Variants in BCAS3 observed in about 807,000 individuals in gnomAD.
BCAS3 encodes the protein BCAS3 microtubule associated cell migration factor.
In BCAS3, 53 loss-of-function variants were observed where a neutral mutation model predicts 116.1. The ratio of observed to expected loss-of-function variants is 0.46; its 90% CI spans 0.37 to 0.57. The LOEUF (loss-of-function observed/expected upper bound fraction) is 0.57, where lower values mean the gene tolerates loss of function less well. Among genes scored for constraint, BCAS3 ranks in the 20% least tolerant of loss-of-function variants. BCAS3 has a pLI of 0.00. For missense variants in BCAS3, 917 were observed against 1,165.4 expected, an observed-to-expected ratio of 0.79 and a Z score of 3.10; for synonymous variants, 391 against 408.2, an observed-to-expected ratio of 0.96 and a Z score of 0.51.
At position 61,084,329 on chromosome 17, in the gene BCAS3, C is replaced by A; in HGVS notation, c.2328-138C>A. On this transcript the variant is annotated intron_variant, in intron 21 of 23. Transcript: ENST00000407086. The surrounding 1 kb of genome is among the most constrained non-coding windows in gnomAD (Gnocchi z 5.5). ...TGTGCAGCAATTAGGGACTGCAGCT[C>A]CCCTGTTTGTCTTGTTTTAGAATGG... 2 of 635,350 alleles carry A rather than the reference C, an allele frequency of 3.1e-6. No homozygotes were observed. Among genetic ancestry groups the A allele is most frequent in the Non-Finnish European group, 2.7e-6 (1 of 373,402 alleles). 39.4% of individuals were successfully genotyped at this position (635,350 alleles called of 1,614,324 possible).
Position 61,082,874 on chromosome 17 carries a change from A to G in BCAS3, c.2328-1593A>G, listed in dbSNP as rs2143525023. ...CAGTATTTTCACCTTCCGGTAATAGATCATCCTATACCTCCCTCCTGTTTT... is the reference window on the plus strand; with the variant it reads ...CAGTATTTTCACCTTCCGGTAATAGGTCATCCTATACCTCCCTCCTGTTTT... On this transcript the variant is annotated intron_variant, in intron 21 of 23. Transcript: ENST00000407086. The surrounding 1 kb of genome is among the most constrained non-coding windows in gnomAD (Gnocchi z 5.1). Among the ~76,000 whole-genome samples, 1 of 152,314 alleles carries G rather than the reference A, an allele frequency of 6.6e-6. No homozygotes were observed. Among genetic ancestry groups the G allele is most frequent in the East Asian group, 1.9e-4 (1 of 5,188 alleles).
At chr17:60,694,279 G>C (rs2035282961) in intron 4 of BCAS3, among the ~76,000 whole-genome samples, 1 of 151,814 alleles carries the variant, frequency 6.6e-6, no homozygotes, top group African/African-American at 2.4e-5. Flanking sequence ...GAGGTGAGCA[G>C]ATCACAAGGT....
intron 6 of BCAS3, among the ~76,000 whole-genome samples, chr17:60,763,987 G>A (rs1368834436): frequency 6.6e-6 from 1 of 152,164 alleles, no homozygotes; most frequent in Non-Finnish European, 1.5e-5. Context: ...TTTGCATAGA[G>A]GTGTTTATAG....
intron 22 of BCAS3, among the ~76,000 whole-genome samples, chr17:61,092,996 C>T (rs1292962102): frequency 6.8e-6 from 1 of 147,808 alleles, no homozygotes; most frequent in African/African-American, 2.5e-5. Flanking sequence ...ACTTCCGTCT[C>T]CCAGGTTCAA....
intron 6 of BCAS3, among the ~76,000 whole-genome samples, chr17:60,785,447 C>A (rs1342514824): frequency 6.6e-6 from 1 of 152,218 alleles, no homozygotes; most frequent in Non-Finnish European, 1.5e-5. Context: ...GAATGAGCCA[C>A]TGCGCCCAGC....
rs1260250208 is a variant in BCAS3, at chr17:61,325,418, T to C, written c.2426-42909T>C. 1.3e-5 allele frequency among the ~76,000 whole-genome samples: 2 copies of C among 152,112 alleles called. No homozygotes were observed. Among genetic ancestry groups the C allele is most frequent in the Non-Finnish European group, 2.9e-5 (2 of 68,016 alleles). ...CAGGGCTTGCAGGGTGACCCTCTGC[T>C]CCAGGGATATGGGCACTGCCTGGAG... On this transcript the variant is annotated intron_variant, in intron 22 of 23. Coordinates refer to ENST00000407086, the MANE Select transcript of BCAS3 (RefSeq NM_017679.5). The surrounding 1 kb of genome is among the most constrained non-coding windows in gnomAD (Gnocchi z 6.4).
rs1445438397 is a variant in BCAS3, at chr17:61,012,421, A to G, written c.1487-3330A>G. Among the ~76,000 whole-genome samples, 2 of 152,056 alleles carry G rather than the reference A, an allele frequency of 1.3e-5. No homozygotes were observed. Among genetic ancestry groups the G allele is most frequent in the Non-Finnish European group, 2.9e-5 (2 of 67,936 alleles). On this transcript the variant is annotated intron_variant, in intron 15 of 23. Transcript: ENST00000407086. The surrounding 1 kb of genome is among the most constrained non-coding windows in gnomAD (Gnocchi z 4.5). ...GCAGTTCCTTTGCTTATGGCTTACA[A>G]TCTGACTTTTCCACCTCACTGCTGA...
At position 61,179,874 on chromosome 17, in the gene BCAS3, CT is replaced by C. The variant is rs5821309; in HGVS notation, c.2425+95328del. 4.1e-3 allele frequency among the ~76,000 whole-genome samples: 508 copies of C among 124,492 alleles called. 2 individuals carry two copies. Among genetic ancestry groups the C allele is most frequent in the African/African-American group, 8.7e-3 (287 of 33,152 alleles). 81.7% of individuals were successfully genotyped at this position (124,492 alleles called of 152,430 possible). Reference sequence around the variant, plus strand: ...TATCACTGTTTTTCTCTCTCTCTCTCTTTTTTTTTTTTTTTTTTGGCAGCCC... The same window carrying C: ...TATCACTGTTTTTCTCTCTCTCTCTCTTTTTTTTTTTTTTTTTGGCAGCCC... On this transcript the variant is annotated intron_variant, in intron 22 of 23. Coordinates refer to ENST00000407086, the MANE Select transcript of BCAS3 (RefSeq NM_017679.5).
rs2041356349 is a variant in BCAS3, at chr17:60,739,872, T to TTTTTGG, written c.322-7321_322-7320insGTTTTG. On this transcript the variant is annotated intron_variant, in intron 5 of 23. Coordinates refer to ENST00000407086, the MANE Select transcript of BCAS3 (RefSeq NM_017679.5). ...GATACAGAATTAGAGGTTGCTGTTTTTTTTGTTTTTGTTTTTTTTTTTCCA... is the reference window on the plus strand; with the variant it reads ...GATACAGAATTAGAGGTTGCTGTTTTTTTTGGTTTTGTTTTTGTTTTTTTTTTTCCA... Among the ~76,000 whole-genome samples the TTTTTGG allele has an allele frequency of 2.0e-5, 3 of 151,342 alleles. No individual in the cohort carries two copies. The South Asian group carries it at 6.2e-4, about 31-fold the overall frequency.
intron 14 of BCAS3, among the ~76,000 whole-genome samples, chr17:60,985,206 C>T (rs1332843656): frequency 2.8e-5 from 4 of 141,328 alleles, no homozygotes. Context: ...AGTGCAGTGG[C>T]ATGATCTCAG....
At position 61,082,682 on chromosome 17, in the gene BCAS3, T is replaced by C. The variant is rs1272624790; in HGVS notation, c.2328-1785T>C. On this transcript the variant is annotated intron_variant, in intron 21 of 23. Transcript: ENST00000407086. The surrounding 1 kb of genome is among the most constrained non-coding windows in gnomAD (Gnocchi z 5.1). ...AAGGAAACTTCTTTTCCAGACACTT[T>C]AAATAAACTTCTCTTTTCTAACTGG... Among the ~76,000 whole-genome samples, 1 of 152,228 alleles carries C rather than the reference T, an allele frequency of 6.6e-6. No individual in the cohort carries two copies. The highest frequency in any genetic ancestry group is 1.5e-5 in the Non-Finnish European group (1 of 68,044).
At chr17:61,247,158 C>T (rs557146155) in intron 22 of BCAS3, among the ~76,000 whole-genome samples, 32 of 152,128 alleles carry the variant, frequency 2.1e-4, no homozygotes, top group Non-Finnish European at 4.0e-4. Context: ...AATTCCTACT[C>T]AATGTAAAGT....
At chr17:60,840,458 A>C (rs1657243342) in intron 7 of BCAS3, among the ~76,000 whole-genome samples, 1 of 152,198 alleles carries the variant, frequency 6.6e-6, no homozygotes, top group South Asian at 2.1e-4. Flanking sequence ...GATGCAAAAA[A>C]CCTAGTTTGT....
At chr17:61,146,598 A>G (rs990612332) in intron 22 of BCAS3, among the ~76,000 whole-genome samples, 6 of 152,216 alleles carry the variant, frequency 3.9e-5, no homozygotes, top group African/African-American at 1.2e-4. Flanking sequence ...TGGAACTAAA[A>G]TTAAAGTAAA....
chr17:60,714,344 A>G (rs892800318), intron 5 of BCAS3, among the ~76,000 whole-genome samples: 1 of 152,068 alleles, frequency 6.6e-6, no homozygotes, highest in African/African-American at 2.4e-5. Flanking sequence ...TTTTGCTTCT[A>G]GTATATGCTC....
intron 7 of BCAS3, among the ~76,000 whole-genome samples, chr17:60,808,615 C>A (rs1272057800): frequency 6.6e-6 from 1 of 152,154 alleles, no homozygotes; most frequent in African/African-American, 2.4e-5. Context: ...AGACAAATTT[C>A]TTCAAGTGTA....
chr17:60,741,084 C>T lies in BCAS3; in HGVS notation c.322-6114C>T, dbSNP rs554532313. On this transcript the variant is annotated intron_variant, in intron 5 of 23. Transcript: ENST00000407086. ...TTTGTCAATCACAGTTTAGGTGTTC[C>T]TACCTTGGTACTGAGTCCTGAGGTT... 4.6e-5 allele frequency among the ~76,000 whole-genome samples: 7 copies of T among 152,292 alleles called. No homozygotes were observed. The South Asian group carries it at 1.2e-3, about 27-fold the overall frequency.
At chr17:61,225,990 T>C (rs1602020211) in intron 22 of BCAS3, among the ~76,000 whole-genome samples, 1 of 152,238 alleles carries the variant, frequency 6.6e-6, no homozygotes, top group South Asian at 2.1e-4. Flanking sequence ...ATTATACTTT[T>C]GTAAATTGCC....
intron 6 of BCAS3, among the ~76,000 whole-genome samples, chr17:60,800,956 A>G (rs1191758876): frequency 6.6e-6 from 1 of 151,774 alleles, no homozygotes; most frequent in Non-Finnish European, 1.5e-5. Flanking sequence ...ACTAACTCTT[A>G]TTTACTATAG....
Sources: allele counts gnomAD v4.1 joint callset (sites outside exome capture counted in the v4.1 genomes callset), GRCh38; gene constraint gnomAD v4.1.1; non-coding constraint Gnocchi (gnomAD v3.1); transcripts MANE v1.5; gene names NCBI Gene and HGNC (gene_info 2026-07-23, HGNC 2026-07-21).